Variants in IVD observed in about 807,000 individuals in gnomAD.
IVD encodes the protein isovaleryl-CoA dehydrogenase.
Under a neutral mutation model 51.3 loss-of-function variants are expected in IVD, and 31 were observed. The ratio of observed to expected loss-of-function variants is 0.60; its 90% confidence interval spans 0.45 to 0.81. The LOEUF is 0.81. Ranked by LOEUF, IVD falls within the 40% of genes least tolerant of loss-of-function variation. The probability of loss-of-function intolerance (pLI) is 0.00; values close to 1 mark genes in which losing one functional copy is unlikely to be tolerated. For synonymous variants in IVD, 205 were observed against 219.4 expected, an observed-to-expected ratio of 0.93 and a Z score of 0.58; for missense variants, 475 against 552.0, an observed-to-expected ratio of 0.86 and a Z score of 1.40.
intron 7 of IVD, 21 bp from the exon 8 acceptor site, chr15:40,414,868 G>A (rs1159575525): frequency 1.9e-6 from 3 of 1,613,578 alleles, no homozygotes; most frequent in Admixed American, 3.3e-5. Context: ...CTCTCCCTCT[G>A]ACCAGCACTT....
At position 40,411,343 on chromosome 15, in the gene IVD, G is replaced by A. The variant is rs775944806; in HGVS notation, c.540G>A (p.Ala180=). The A allele has an allele frequency of 1.5e-5, 25 of 1,613,980 alleles. No individual in the cohort carries two copies. The highest frequency in any genetic ancestry group is 4.0e-5 in the African/African-American group (3 of 74,906). ...GSDVVSMKLK[A]EKKGNHYILN... ...ATGTTGTCTCTATGAAGCTCAAAGC[G>A]GAAAAGAAAGGTGAGGCCACTCTCA... Residue 180 remains alanine, a synonymous_variant, in exon 5 of 12, where the codon GCG becomes GCA. Transcript: ENST00000487418.
chr15:40,419,670 TGTG>T lies in IVD; in HGVS notation c.*1412_*1414del, dbSNP rs1391927278. 1 of 139,170 alleles carries T rather than the reference TGTG, an allele frequency of 7.2e-6. No individual in the cohort carries two copies. Among genetic ancestry groups the T allele is most frequent in the African/African-American group, 2.9e-5 (1 of 34,510 alleles). 8.6% of individuals were successfully genotyped at this position (139,170 alleles called of 1,614,324 possible). A position where few individuals can be genotyped will look rare whatever the true frequency, so the allele number is the denominator to read the frequency against. ...ACTAAAAATACAAAAATTAGCCAGGTGTGGTGGCAGGCTCCTGTAATCCCAGCT... is the reference window on the plus strand; with the variant it reads ...ACTAAAAATACAAAAATTAGCCAGGTGTGGCAGGCTCCTGTAATCCCAGCT... On this transcript the variant is annotated 3_prime_UTR_variant, in exon 12 of 12. Transcript: ENST00000487418.
intron 7 of IVD, among the ~76,000 whole-genome samples, chr15:40,433,206 A>AG (rs1334206790): frequency 6.6e-6 from 1 of 152,138 alleles, no homozygotes; most frequent in Non-Finnish European, 1.5e-5. Context: ...AAAAAAGCAA[A>AG]GGTTTTGGAG....
In IVD at chr15:40,413,315, TC is replaced by T. The variant is rs1891285905; in HGVS notation, c.784+229del. 3 of 574,290 alleles carry T rather than the reference TC, an allele frequency of 5.2e-6. No individual in the cohort carries two copies. In the Admixed American group the frequency reaches 8.1e-5, roughly 16 times the overall value. 35.6% of individuals were successfully genotyped at this position (574,290 alleles called of 1,614,324 possible). On this transcript the variant is annotated intron_variant, in intron 7 of 11. Transcript: ENST00000487418. ...CACACACTCCGCATAGGGTCTGTAC[TC>T]AGTAGCCGGAGGAGAAGGGTCAGAC...
chr15:40,411,815 G>A (rs1448860632), intron 6 of IVD, 124 bp downstream of exon 6: 10 of 1,217,562 alleles, frequency 8.2e-6, no homozygotes, highest in Middle Eastern at 2.7e-4. Flanking sequence ...CAGAGGTGGG[G>A]GTGAGGCAGA....
intron 1 of IVD, among the ~76,000 whole-genome samples, chr15:40,407,026 G>A (rs1890516573): frequency 6.6e-6 from 1 of 152,110 alleles, no homozygotes; most frequent in Admixed American, 6.5e-5. Flanking sequence ...ACCACGCCCG[G>A]CTAATTTTGT....
intron 7 of IVD, among the ~76,000 whole-genome samples, chr15:40,433,662 A>G (rs955219666): frequency 6.6e-6 from 1 of 152,156 alleles, no homozygotes; most frequent in Non-Finnish European, 1.5e-5. Context: ...CAGAAATGTC[A>G]TGTTTCTTGG....
At chr15:40,411,152 A>T in intron 4 of IVD, 108 bp from the exon 5 acceptor site, 1 of 1,079,854 alleles carries the variant, frequency 9.3e-7, no homozygotes. Flanking sequence ...CCCTGGTCTG[A>T]GAGCGAAGTT....
chr15:40,406,067 C>T, intron 1 of IVD, 96 bp downstream of exon 1: 1 of 1,545,948 alleles, frequency 6.5e-7, no homozygotes, highest in Non-Finnish European at 8.7e-7. Flanking sequence ...CCAGCGCCCA[C>T]CCAGCCTTGG....
chr15:40,409,661 A>G (rs2141316002), intron 3 of IVD, among the ~76,000 whole-genome samples: 1 of 152,218 alleles, frequency 6.6e-6, no homozygotes, highest in East Asian at 1.9e-4. Context: ...TGGGGGTGGT[A>G]TCAGGTGTCT....
At chr15:40,413,135 G>A in intron 7 of IVD, 48 bp downstream of exon 7, 1 of 1,412,952 alleles carries the variant, frequency 7.1e-7, no homozygotes, top group Non-Finnish European at 1.0e-6. Context: ...CCCCCTTCCA[G>A]GCTGATCTGG....
downstream of IVD, among the ~76,000 whole-genome samples, chr15:40,425,731 C>T (rs1177966810): frequency 2.0e-5 from 3 of 151,996 alleles, no homozygotes; most frequent in Non-Finnish European, 1.5e-5. Flanking sequence ...TCATGTCGCC[C>T]AGGCTGGTCT....
chr15:40,416,237 C>T (rs1325680778), intron 10 of IVD, 53 bp from the exon 11 acceptor site: 20 of 1,611,710 alleles, frequency 1.2e-5, no homozygotes, highest in Non-Finnish European at 1.7e-5. Context: ...GCTGCTGAGA[C>T]TTGCTGTCTG....
chr15:40,410,529 A>C (rs917182065), intron 3 of IVD, 99 bp from the exon 4 acceptor site: 2 of 1,368,778 alleles, frequency 1.5e-6, no homozygotes, highest in Non-Finnish European at 2.1e-6. Context: ...TAGGTGCTAC[A>C]AGGTGCTTCC....
intron 6 of IVD, 77 bp from the exon 7 acceptor site, chr15:40,412,914 C>T: frequency 8.4e-7 from 1 of 1,189,058 alleles, no homozygotes; most frequent in Non-Finnish European, 1.3e-6. Context: ...TGAGTGCCTT[C>T]TTCCCAGAGG....
chr15:40,407,495 C>A (rs954073131), intron 1 of IVD, 141 bp from the exon 2 acceptor site: 5 of 739,264 alleles, frequency 6.8e-6, no homozygotes, highest in African/African-American at 1.7e-5. Flanking sequence ...AAGATCATCT[C>A]TGAGGAGGCA....
Position 40,421,124 on chromosome 15 carries a change from TA to T in IVD, c.*2865del. On this transcript the variant is annotated 3_prime_UTR_variant, in exon 12 of 12. Transcript: ENST00000487418. ...CTGCTATGTTGGAGATGAATGTGAC[TA>T]AAAGGGCCATCTTGCTGGCTTAATG... 1 of 985,474 alleles carries T rather than the reference TA, an allele frequency of 1.0e-6. No homozygotes were observed. The highest frequency in any genetic ancestry group is 1.2e-6 in the Non-Finnish European group (1 of 829,972). The allele number at this position is 985,474 out of a possible 1,614,324, so 61.0% of individuals were successfully genotyped here.
At chr15:40,411,768 T>C (rs1891115206) in intron 6 of IVD, 77 bp downstream of exon 6, 1 of 1,499,650 alleles carries the variant, frequency 6.7e-7, no homozygotes, top group Non-Finnish European at 9.2e-7. Flanking sequence ...TTCACTGATC[T>C]CAAATGGAAT....
At chr15:40,427,930 C>T (rs538331176), downstream of IVD, among the ~76,000 whole-genome samples, 2 of 152,066 alleles carry the variant, frequency 1.3e-5, no homozygotes, top group Non-Finnish European at 2.9e-5. Context: ...GCCTGTAATC[C>T]CAGCACTTTG....
Sources: gnomAD v4.1 joint callset for allele counts (sites outside exome capture counted in the v4.1 genomes callset) on GRCh38, gnomAD v4.1.1 for gene constraint, MANE v1.5 for transcripts, NCBI Gene and HGNC (gene_info 2026-07-23, HGNC 2026-07-21) for gene names.